The following FBXO11 variants were observed in gnomAD, a reference collection of about 807,000 sequenced individuals.
FBXO11 encodes the protein F-box only protein 11.
Under a neutral mutation model 117.0 loss-of-function variants are expected in FBXO11, and 13 were observed. The observed-to-expected ratio is 0.11, with a 90% CI of 0.07 to 0.18. The LOEUF (loss-of-function observed/expected upper bound fraction) is 0.18. FBXO11 is among the 10% of genes least tolerant of loss of function. The pLI, the probability that FBXO11 is intolerant of heterozygous loss-of-function variation, is 1.00. For synonymous variants in FBXO11, 490 were observed against 380.5 expected, an observed-to-expected ratio of 1.29 and a Z score of -3.35; for missense variants, 767 against 1,164.4, an observed-to-expected ratio of 0.66 and a Z score of 4.97.
At chr2:47,822,789 T>C (rs548609086) in intron 12 of FBXO11, among the ~76,000 whole-genome samples, 2 of 152,230 alleles carry the variant, frequency 1.3e-5, no homozygotes, top group South Asian at 4.1e-4. Flanking sequence ...TTATTCTATT[T>C]GCTAACTTCA....
chr2:47,878,181 G>C (rs1236640598), intron 1 of FBXO11, among the ~76,000 whole-genome samples: 1 of 152,004 alleles, frequency 6.6e-6, no homozygotes, highest in Admixed American at 6.6e-5. Flanking sequence ...CAGCCCTTTA[G>C]TTTCTGGGGT....
At chr2:47,886,509 A>G (rs1676862266) in intron 1 of FBXO11, among the ~76,000 whole-genome samples, 1 of 152,128 alleles carries the variant, frequency 6.6e-6, no homozygotes, top group African/African-American at 2.4e-5. Context: ...CTCAAAAAAA[A>G]AAAAAAAAAG....
intron 11 of FBXO11, among the ~76,000 whole-genome samples, chr2:47,828,704 T>A (rs566577820): frequency 6.6e-6 from 1 of 151,742 alleles, no homozygotes; most frequent in East Asian, 1.9e-4. Context: ...TTCATAGAAA[T>A]AAACTTCCAC....
chr2:47,882,417 A>G (rs1676498208), intron 1 of FBXO11, among the ~76,000 whole-genome samples: 1 of 151,956 alleles, frequency 6.6e-6, no homozygotes, highest in South Asian at 2.1e-4. Flanking sequence ...CCCTTTCAAT[A>G]CGTAAGTTTC....
chr2:47,827,763 C>A (rs1412479441), intron 11 of FBXO11, among the ~76,000 whole-genome samples: 2 of 149,708 alleles, frequency 1.3e-5, no homozygotes, highest in Non-Finnish European at 2.9e-5. Flanking sequence ...GTGGTATGAT[C>A]TTGGTTCATT....
At chr2:47,893,849 A>G (rs1677449425) in intron 1 of FBXO11, among the ~76,000 whole-genome samples, 1 of 152,228 alleles carries the variant, frequency 6.6e-6, no homozygotes. Context: ...ATTTAGGGAT[A>G]ATGTTCAGTA....
At chr2:47,874,737 G>A (rs988228171) in intron 1 of FBXO11, among the ~76,000 whole-genome samples, 3 of 151,996 alleles carry the variant, frequency 2.0e-5, no homozygotes, top group African/African-American at 7.3e-5. Flanking sequence ...ATTTCACCAT[G>A]TTGGCCAGCC....
intron 1 of FBXO11, among the ~76,000 whole-genome samples, chr2:47,866,741 G>A (rs192201798): frequency 6.6e-6 from 1 of 152,060 alleles, no homozygotes. Context: ...CAAAGTGCTG[G>A]GATTACAGGC....
chr2:47,855,039 T>A (rs989652439), intron 1 of FBXO11, among the ~76,000 whole-genome samples: 16 of 152,202 alleles, frequency 1.1e-4, no homozygotes, highest in Non-Finnish European at 4.4e-5. Context: ...GTAGTAAGAA[T>A]AAGAACAAAA....
At chr2:47,888,204 C>T (rs1178763236) in intron 1 of FBXO11, among the ~76,000 whole-genome samples, 1 of 152,106 alleles carries the variant, frequency 6.6e-6, no homozygotes, top group Admixed American at 6.5e-5. Flanking sequence ...GTAGGTCCAA[C>T]AACTCATTAA....
chr2:47,808,515 G>T, intron 21 of FBXO11, 88 bp from the exon 22 acceptor site: 2 of 1,212,584 alleles, frequency 1.6e-6, no homozygotes, highest in Non-Finnish European at 1.1e-6. Context: ...ATGACCTTTG[G>T]CTTTAAGAGG....
intron 21 of FBXO11, 40 bp downstream of exon 21, chr2:47,809,118 G>A (rs375469915): frequency 7.8e-7 from 1 of 1,278,862 alleles, no homozygotes; most frequent in South Asian, 1.3e-5. Flanking sequence ...AAGGAAATCA[G>A]TCTTCCTCTT....
At chr2:47,874,640 T>C (rs555391586) in intron 1 of FBXO11, among the ~76,000 whole-genome samples, 6 of 152,106 alleles carry the variant, frequency 3.9e-5, no homozygotes, top group African/African-American at 7.2e-5. Flanking sequence ...GTTGAAACAA[T>C]TCTTGTGCCT....
chr2:47,813,063 C>G, intron 18 of FBXO11, 171 bp downstream of exon 18: 1 of 687,300 alleles, frequency 1.5e-6, no homozygotes, highest in Admixed American at 2.4e-5. Context: ...GTATTGTAAA[C>G]ATTTGTCTCT....
chr2:47,834,745 A>G (rs1438068946), intron 6 of FBXO11, 34 bp from the exon 7 acceptor site: 42 of 1,609,102 alleles, frequency 2.6e-5, no homozygotes, highest in Non-Finnish European at 3.5e-5. Context: ...TACAGAACTG[A>G]AAGATTACCA....
At chr2:47,874,642 C>T (rs1458337541) in intron 1 of FBXO11, among the ~76,000 whole-genome samples, 2 of 152,106 alleles carry the variant, frequency 1.3e-5, no homozygotes, top group African/African-American at 4.8e-5. Flanking sequence ...TGAAACAATT[C>T]TTGTGCCTCA....
chr2:47,882,170 T>C (rs1189186909), intron 1 of FBXO11, among the ~76,000 whole-genome samples: 2 of 152,240 alleles, frequency 1.3e-5, no homozygotes, highest in African/African-American at 4.8e-5. Context: ...TAAACAATAT[T>C]CTCTGAGTAC....
intron 1 of FBXO11, among the ~76,000 whole-genome samples, chr2:47,875,712 A>G (rs1675953494): frequency 6.6e-6 from 1 of 152,032 alleles, no homozygotes; most frequent in Non-Finnish European, 1.5e-5. Flanking sequence ...TAGATCTCTA[A>G]GAATACAAGT....
intron 1 of FBXO11, among the ~76,000 whole-genome samples, chr2:47,857,673 G>T (rs1674418104): frequency 6.6e-6 from 1 of 152,076 alleles, no homozygotes; most frequent in African/African-American, 2.4e-5. Flanking sequence ...AGAGAGAAGG[G>T]ACATTAACAA....
Sources: allele counts gnomAD v4.1 joint callset (sites outside exome capture counted in the v4.1 genomes callset), GRCh38; gene constraint gnomAD v4.1.1; transcripts MANE v1.5; gene names NCBI Gene and HGNC (gene_info 2026-07-23, HGNC 2026-07-21).